Variants in TMEM87A observed in about 807,000 individuals in gnomAD.
TMEM87A encodes transmembrane protein 87A, also known as Golgi-pH regulating cation channel.
A neutral mutation model predicts 90.0 loss-of-function variants in TMEM87A; 50 were observed. The ratio of observed to expected loss-of-function variants is 0.56; its 90% CI spans 0.44 to 0.70. The LOEUF (loss-of-function observed/expected upper bound fraction) is 0.70, where lower values mean the gene tolerates loss of function less well. Among genes scored for constraint, TMEM87A ranks in the 30% least tolerant of loss-of-function variants. The pLI, the probability that TMEM87A is intolerant of heterozygous loss-of-function variation, is 0.00. For synonymous variants in TMEM87A, 226 were observed against 226.7 expected, an observed-to-expected ratio of 1.00 and a Z score of 0.03; for missense variants, 577 against 660.5, an observed-to-expected ratio of 0.87 and a Z score of 1.39.
chr15:42,265,631 ATT>A (rs1184998958), intron 3 of TMEM87A, among the ~76,000 whole-genome samples: 1 of 151,920 alleles, frequency 6.6e-6, no homozygotes, highest in Non-Finnish European at 1.5e-5. Flanking sequence ...GTTTGCAAAT[ATT>A]TTCTCCCATT....
rs1299467481 is a variant in TMEM87A at position 42,218,265 on chromosome 15, TAAC to T, written c.1595+55_1595+57del. On this transcript the variant is annotated intron_variant, in intron 18 of 19. Transcript: ENST00000389834. Reference sequence around the variant, plus strand: ...AGTATAACTTGCTCATTTAAAATAATAACAAAGTAGTACTAACTTTGAAATAGG... The same window carrying T: ...AGTATAACTTGCTCATTTAAAATAATAAAGTAGTACTAACTTTGAAATAGG... 6 of 1,542,980 alleles carry T rather than the reference TAAC, an allele frequency of 3.9e-6. No homozygotes were observed. In the African/African-American group the frequency reaches 5.5e-5, roughly 14 times the overall value.
chr15:42,213,201 A>C (rs2050323454), intron 19 of TMEM87A, among the ~76,000 whole-genome samples: 1 of 152,234 alleles, frequency 6.6e-6, no homozygotes, highest in Non-Finnish European at 1.5e-5. Flanking sequence ...ACTGGAATGT[A>C]CATCCAACAT....
chr15:42,259,149 G>C (rs1357839643), intron 6 of TMEM87A, among the ~76,000 whole-genome samples: 2 of 152,156 alleles, frequency 1.3e-5, no homozygotes, highest in Non-Finnish European at 2.9e-5. Flanking sequence ...CAAACACAGA[G>C]TTTCACTCTG....
intron 8 of TMEM87A, among the ~76,000 whole-genome samples, chr15:42,237,938 C>T (rs568112219): frequency 2.0e-5 from 3 of 152,182 alleles, no homozygotes; most frequent in South Asian, 4.1e-4. Context: ...ATTATCTTGT[C>T]TTGAGCAGAG....
chr15:42,249,104 T>C (rs1442578693), intron 6 of TMEM87A, among the ~76,000 whole-genome samples: 1 of 152,230 alleles, frequency 6.6e-6, no homozygotes, highest in African/African-American at 2.4e-5. Context: ...GATGGTAGTT[T>C]GTATTTCTGT....
Position 42,223,504 on chromosome 15 carries a change from T to C in TMEM87A, c.1403+3302A>G, listed in dbSNP as rs1595710862. ...ATTCCCAGGGTGACAGTGTTGGGAG[T>C]TGGGCCTAATGGAAGGCATTTAGGT... On this transcript the variant is annotated intron_variant, in intron 15 of 19. Coordinates refer to ENST00000389834, the MANE Select transcript of TMEM87A (RefSeq NM_015497.5). Among the ~76,000 whole-genome samples, 5 of 152,220 alleles carry C rather than the reference T, an allele frequency of 3.3e-5. No individual in the cohort carries two copies. In the South Asian group the frequency reaches 1.0e-3, roughly 32 times the overall value.
At chr15:42,266,103 C>G (rs560284103) in intron 3 of TMEM87A, among the ~76,000 whole-genome samples, 211 of 152,250 alleles carry the variant, frequency 1.4e-3, no homozygotes, top group African/African-American at 4.9e-3. Flanking sequence ...CCCTGTAGTA[C>G]AGTTTGAAGT....
intron 6 of TMEM87A, among the ~76,000 whole-genome samples, chr15:42,256,129 C>T (rs2051179283): frequency 1.3e-5 from 2 of 151,894 alleles, no homozygotes; most frequent in South Asian, 4.1e-4. Context: ...GATGGAGGTA[C>T]TGAATTTGTG....
At chr15:42,251,155 G>A (rs2051077556) in intron 6 of TMEM87A, among the ~76,000 whole-genome samples, 1 of 152,006 alleles carries the variant, frequency 6.6e-6, no homozygotes, top group South Asian at 2.1e-4. Context: ...CTTTTTTCAA[G>A]GTTTTTAGCT....
At chr15:42,227,587 CAGAGT>C in intron 14 of TMEM87A, 119 bp downstream of exon 14, 1 of 760,790 alleles carries the variant, frequency 1.3e-6, no homozygotes, top group Non-Finnish European at 2.2e-6. Flanking sequence ...TCACAACCCT[CAGAGT>C]AGAGACCTAG....
Position 42,218,336 on chromosome 15 carries a change from A to G in TMEM87A, c.1582T>C (p.Ser528Pro). Residue 528 changes from serine to proline, a missense_variant, in exon 18 of 20, where the codon TCT becomes CCT. Physicochemically the swap from Ser to Pro is moderately conservative, Grantham distance 74. Transcript: ENST00000389834. ...LKWVEENVPS[S>P]VTDVALPALL... ...TCAAAAACTTACACATCTGTCACAG[A>G]AGAAGGAACATTCTCTTCTACCCAC... 1 of 1,613,814 alleles carries G rather than the reference A, an allele frequency of 6.2e-7. No individual in the cohort carries two copies. Among genetic ancestry groups the G allele is most frequent in the Non-Finnish European group, 8.5e-7 (1 of 1,179,812 alleles).
chr15:42,266,835 A>G (rs1413897188), intron 3 of TMEM87A, among the ~76,000 whole-genome samples: 1 of 152,216 alleles, frequency 6.6e-6, no homozygotes, highest in Non-Finnish European at 1.5e-5. Flanking sequence ...GTCTTGAGAT[A>G]AAGCACTCTG....
chr15:42,236,423 T>A lies in TMEM87A; in HGVS notation c.869-4A>T, dbSNP rs776359902. The A allele has an allele frequency of 6.2e-7, 1 of 1,613,680 alleles. No individual in the cohort carries two copies. The highest frequency in any genetic ancestry group is 2.2e-5 in the East Asian group (1 of 44,870). ...GCAAGGATCAAAGCACCCTGGACTA[T>A]GAAAAAGAAGGGAAGAAATGGCACC... On this transcript the variant is annotated splice_polypyrimidine_tract_variant and splice_region_variant and intron_variant, in intron 9 of 19. Coordinates refer to ENST00000389834, the MANE Select transcript of TMEM87A (RefSeq NM_015497.5).
chr15:42,222,154 G>A (rs1245409168), intron 15 of TMEM87A, among the ~76,000 whole-genome samples: 2 of 152,088 alleles, frequency 1.3e-5, no homozygotes, highest in African/African-American at 4.8e-5. Context: ...TCCCCCTCCT[G>A]GGGTTCAAGC....
At chr15:42,225,001 C>T (rs999213790) in intron 15 of TMEM87A, among the ~76,000 whole-genome samples, 2 of 152,100 alleles carry the variant, frequency 1.3e-5, no homozygotes, top group East Asian at 1.9e-4. Flanking sequence ...GATCAACAGA[C>T]GGATATAAAA....
At chr15:42,272,840 G>A in intron 1 of TMEM87A, 1 of 427,738 alleles carries the variant, frequency 2.3e-6, no homozygotes, top group African/African-American at 2.1e-5. Context: ...CAGGGACCAA[G>A]AAGTGCAGAG....
chr15:42,217,582 A>G (rs75970438), intron 19 of TMEM87A, among the ~76,000 whole-genome samples: 2,177 of 152,314 alleles, frequency 0.014, 48 homozygotes, highest in African/African-American at 0.05. Context: ...CTGACCATAT[A>G]ACTTTGAAAG....
chr15:42,247,858 T>G (rs2051007504), intron 6 of TMEM87A, among the ~76,000 whole-genome samples: 1 of 152,214 alleles, frequency 6.6e-6, no homozygotes, highest in Admixed American at 6.5e-5. Context: ...TGGCATTGAA[T>G]CTATAAATTA....
chr15:42,228,641 G>T, intron 13 of TMEM87A, 71 bp downstream of exon 13: 2 of 1,302,812 alleles, frequency 1.5e-6, no homozygotes, highest in Admixed American at 3.5e-5. Flanking sequence ...TCCACCCATG[G>T]CCTTTCAGGT....
Sources: allele counts gnomAD v4.1 joint callset (sites outside exome capture counted in the v4.1 genomes callset), GRCh38; gene constraint gnomAD v4.1.1; transcripts MANE v1.5; gene names NCBI Gene and HGNC (gene_info 2026-07-23, HGNC 2026-07-21).